The following TAF1B variants were observed in gnomAD, a reference collection of about 807,000 sequenced individuals.
The protein encoded by TAF1B is TATA box-binding protein-associated factor RNA polymerase I subunit B.
A neutral mutation model predicts 83.9 loss-of-function variants in TAF1B; 61 were observed. That is an observed-to-expected ratio of 0.73 (90% confidence interval 0.59 to 0.90). The LOEUF (loss-of-function observed/expected upper bound fraction) is 0.90, where lower values mean the gene tolerates loss of function less well. Among genes scored for constraint, TAF1B ranks in the 40% least tolerant of loss-of-function variants. TAF1B has a pLI of 0.00. For missense variants in TAF1B, 625 were observed against 677.0 expected, an observed-to-expected ratio of 0.92 and a Z score of 0.85; for synonymous variants, 221 against 224.6, an observed-to-expected ratio of 0.98 and a Z score of 0.14.
intron 3 of TAF1B, 63 bp from the exon 4 acceptor site, chr2:9,851,476 CTG>C (rs1663389185): frequency 8.1e-7 from 1 of 1,233,604 alleles, no homozygotes; most frequent in African/African-American, 1.5e-5. Context: ...CAAATTGTAA[CTG>C]TAGTAGCATT....
chr2:9,924,442 G>T (rs1314648612), intron 14 of TAF1B, among the ~76,000 whole-genome samples: 1 of 152,174 alleles, frequency 6.6e-6, no homozygotes, highest in Admixed American at 6.5e-5. Context: ...AACAATAGGG[G>T]AGCCAACATC....
At chr2:9,916,637 AAATT>A (rs1244888587) in intron 12 of TAF1B, among the ~76,000 whole-genome samples, 1 of 152,180 alleles carries the variant, frequency 6.6e-6, no homozygotes, top group Non-Finnish European at 1.5e-5. Flanking sequence ...TTATTTAAGA[AAATT>A]AATGGCAAAA....
chr2:9,878,814 T>C (rs1664403766), intron 7 of TAF1B, among the ~76,000 whole-genome samples: 1 of 152,172 alleles, frequency 6.6e-6, no homozygotes, highest in South Asian at 2.1e-4. Context: ...GGTGCAAAGG[T>C]CATTGCAGTT....
rs140330403 is a variant in TAF1B, at chr2:9,868,069, G to A, written c.400-207G>A. On this transcript the variant is annotated intron_variant, in intron 5 of 14. Coordinates refer to ENST00000263663, the MANE Select transcript of TAF1B (RefSeq NM_005680.3). ...GGCAGGGCTGGCAGCCGGTTTCCTC[G>A]CCCATCCTTGTCTGTGACTCCTCTC... Among the ~76,000 whole-genome samples, 767 of 152,260 alleles carry A rather than the reference G, an allele frequency of 5.0e-3. 5 individuals carry two copies. The highest frequency in any genetic ancestry group is 0.017 in the African/African-American group (694 of 41,534).
chr2:9,933,296 C>T (rs990423919), intron 14 of TAF1B, among the ~76,000 whole-genome samples: 9 of 152,234 alleles, frequency 5.9e-5, no homozygotes, highest in Non-Finnish European at 1.2e-4. Flanking sequence ...TAACGGAAGG[C>T]TTTCCTATTT....
intron 7 of TAF1B, among the ~76,000 whole-genome samples, chr2:9,882,167 G>A (rs1038991459): frequency 5.3e-5 from 8 of 151,640 alleles, no homozygotes; most frequent in Non-Finnish European, 1.0e-4. Flanking sequence ...GTGCAGTGGC[G>A]TTAGCTCACT....
intron 8 of TAF1B, among the ~76,000 whole-genome samples, chr2:9,893,932 A>G (rs1464387554): frequency 2.0e-5 from 3 of 152,198 alleles, no homozygotes; most frequent in African/African-American, 7.2e-5. Flanking sequence ...CAGGCTTCAT[A>G]GCTTACAGAT....
chr2:9,863,230 C>G (rs1248249464), intron 5 of TAF1B, among the ~76,000 whole-genome samples: 8 of 151,948 alleles, frequency 5.3e-5, no homozygotes, highest in African/African-American at 1.9e-4. Context: ...CACATAGGCT[C>G]AAAGTAAAGG....
intron 7 of TAF1B, among the ~76,000 whole-genome samples, chr2:9,877,906 G>A (rs547103962): frequency 6.6e-6 from 1 of 151,942 alleles, no homozygotes; most frequent in South Asian, 2.1e-4. Context: ...CCTTCAAGGA[G>A]ATTAAATCTA....
At chr2:9,851,167 T>A (rs779429153) in intron 3 of TAF1B, among the ~76,000 whole-genome samples, 2 of 152,216 alleles carry the variant, frequency 1.3e-5, no homozygotes, top group Non-Finnish European at 2.9e-5. Flanking sequence ...TGCTGGGCAT[T>A]GTTCGGGAAA....
intron 8 of TAF1B, among the ~76,000 whole-genome samples, chr2:9,901,035 A>G (rs1213422844): frequency 6.6e-6 from 1 of 152,132 alleles, no homozygotes; most frequent in Non-Finnish European, 1.5e-5. Context: ...TATTTCCTAA[A>G]TTTTCTATAA....
intron 7 of TAF1B, among the ~76,000 whole-genome samples, chr2:9,881,611 C>CT (rs898478975): frequency 6.6e-6 from 1 of 152,122 alleles, no homozygotes; most frequent in Admixed American, 6.5e-5. Flanking sequence ...TGTTTTGTAT[C>CT]TTTCTTTTCT....
Position 9,851,647 on chromosome 2 carries a change from A to C in TAF1B, c.303+9A>C. The C allele has an allele frequency of 6.3e-7, 1 of 1,593,064 alleles. No homozygotes were observed. The highest frequency in any genetic ancestry group is 8.6e-7 in the Non-Finnish European group (1 of 1,169,210). ...TAGGCCCAGAGTTAAAGGTAAGTAC[A>C]TTTGTGACTAGATGTTAGCTTTACA... On this transcript the variant is annotated intron_variant, in intron 4 of 14. Transcript: ENST00000263663.
At chr2:9,862,523 G>A (rs927882576) in intron 5 of TAF1B, among the ~76,000 whole-genome samples, 2 of 152,194 alleles carry the variant, frequency 1.3e-5, no homozygotes, top group African/African-American at 4.8e-5. Flanking sequence ...ACACTCTACA[G>A]GTTGTTATCC....
chr2:9,910,704 A>C, intron 9 of TAF1B, 32 bp from the exon 10 acceptor site: 1 of 1,584,672 alleles, frequency 6.3e-7, no homozygotes, highest in South Asian at 1.1e-5. Context: ...CTAGTTGGCA[A>C]ATAATTTACA....
At chr2:9,919,186 G>T in intron 13 of TAF1B, 75 bp downstream of exon 13, 2 of 1,278,630 alleles carry the variant, frequency 1.6e-6, no homozygotes, top group East Asian at 4.6e-5. Context: ...GACTTGAAAT[G>T]TTGAATGCTT....
At chr2:9,931,252 C>A (rs987769008) in intron 14 of TAF1B, among the ~76,000 whole-genome samples, 1 of 152,236 alleles carries the variant, frequency 6.6e-6, no homozygotes, top group African/African-American at 2.4e-5. Context: ...AATGCAGTTT[C>A]TTCCTAGCCT....
At chr2:9,932,864 C>G (rs1182859223) in intron 14 of TAF1B, among the ~76,000 whole-genome samples, 1 of 152,202 alleles carries the variant, frequency 6.6e-6, no homozygotes, top group Non-Finnish European at 1.5e-5. Context: ...TTTACCTACT[C>G]AAGCCTCAGC....
chr2:9,918,120 C>T (rs1372355448), intron 12 of TAF1B, among the ~76,000 whole-genome samples: 2 of 151,900 alleles, frequency 1.3e-5, no homozygotes, highest in Non-Finnish European at 2.9e-5. Flanking sequence ...ATTCAGTACT[C>T]TTTCTTGTTG....
Sources: gnomAD v4.1 joint callset for allele counts (sites outside exome capture counted in the v4.1 genomes callset) on GRCh38, gnomAD v4.1.1 for gene constraint, MANE v1.5 for transcripts, NCBI Gene and HGNC (gene_info 2026-07-23, HGNC 2026-07-21) for gene names.